The following RGS7 variants were observed in gnomAD, a reference collection of about 807,000 sequenced individuals.
RGS7 encodes regulator of G protein signaling 7, also known as regulator of G-protein signaling 7.
In RGS7, 27 loss-of-function variants were observed where a neutral mutation model predicts 81.1. The observed-to-expected ratio is 0.33, with a 90% CI of 0.25 to 0.46. RGS7 has a LOEUF of 0.46. RGS7 is among the 20% of genes least tolerant of loss of function. The pLI is 1.00. For synonymous variants in RGS7, 208 were observed against 207.7 expected (o/e 1.00, Z -0.01); for missense variants, 396 against 607.4 (o/e 0.65, Z 3.66).
intron 9 of RGS7, among the ~76,000 whole-genome samples, chr1:240,843,714 A>C (rs1294149192): frequency 1.3e-5 from 2 of 152,206 alleles, no homozygotes; most frequent in Non-Finnish European, 2.9e-5. Context: ...TATTTGAGAG[A>C]GGATTTGCTA....
chr1:240,838,520 A>C (rs1695067155), intron 9 of RGS7, among the ~76,000 whole-genome samples: 1 of 152,234 alleles, frequency 6.6e-6, no homozygotes, highest in Non-Finnish European at 1.5e-5. Flanking sequence ...ACTCTGTTGC[A>C]TTCAACTTGA....
chr1:240,903,897 A>G (rs1295162230), intron 6 of RGS7, among the ~76,000 whole-genome samples: 1 of 152,184 alleles, frequency 6.6e-6, no homozygotes, highest in Non-Finnish European at 1.5e-5. Flanking sequence ...TTCTCCCATG[A>G]GAGGAAGCAG....
chr1:241,016,158 A>G (rs574839817), intron 3 of RGS7, among the ~76,000 whole-genome samples: 1 of 152,322 alleles, frequency 6.6e-6, no homozygotes, highest in African/African-American at 2.4e-5. Context: ...CATGGATGTG[A>G]AAAATTATGA....
At chr1:241,031,046 G>A (rs979271734) in intron 3 of RGS7, among the ~76,000 whole-genome samples, 11 of 152,112 alleles carry the variant, frequency 7.2e-5, no homozygotes, top group Admixed American at 3.9e-4. Context: ...GTGAAGCCCC[G>A]GCTTTTAGTA....
intron 2 of RGS7, among the ~76,000 whole-genome samples, chr1:241,133,436 A>G (rs1179252721): frequency 6.6e-6 from 1 of 152,010 alleles, no homozygotes; most frequent in African/African-American, 2.4e-5. Flanking sequence ...GTTAGTAGTG[A>G]TATTCTAATT....
intron 2 of RGS7, among the ~76,000 whole-genome samples, chr1:241,229,648 AG>A (rs2075535888): frequency 6.6e-6 from 1 of 152,234 alleles, no homozygotes; most frequent in Non-Finnish European, 1.5e-5. Context: ...CTAACGGTGT[AG>A]TAGTCCACTT....
chr1:241,214,677 A>G (rs1326767337), intron 2 of RGS7, among the ~76,000 whole-genome samples: 2 of 152,152 alleles, frequency 1.3e-5, no homozygotes, highest in Admixed American at 1.3e-4. Context: ...ATCATTGAGA[A>G]TGTGTTCATT....
At chr1:240,990,247 C>CT (rs1391821990) in intron 3 of RGS7, among the ~76,000 whole-genome samples, 2 of 151,976 alleles carry the variant, frequency 1.3e-5, no homozygotes, top group Admixed American at 6.6e-5. Flanking sequence ...TGGGTGTAAA[C>CT]TACAGCTTCC....
intron 10 of RGS7, chr1:240,823,163 A>T: frequency 8.7e-7 from 1 of 1,149,322 alleles, no homozygotes; most frequent in Non-Finnish European, 1.3e-6. Context: ...ATTTCCCCAT[A>T]GAAGTCCTCT....
At chr1:241,300,372 C>A (rs1336751318) in intron 2 of RGS7, among the ~76,000 whole-genome samples, 2 of 152,174 alleles carry the variant, frequency 1.3e-5, no homozygotes, top group Non-Finnish European at 2.9e-5. Context: ...CATATATCCA[C>A]CATTAGGGTA....
rs372795289 is a variant in RGS7, at chr1:241,230,700, G to A, written c.78+124999C>T. 1.3e-3 allele frequency among the ~76,000 whole-genome samples: 195 copies of A among 146,588 alleles called. 2 individuals carry two copies. Among genetic ancestry groups the A allele is most frequent in the Non-Finnish European group, 1.4e-3 (88 of 65,062 alleles). On this transcript the variant is annotated intron_variant, in intron 2 of 18. Coordinates refer to ENST00000440928, the MANE Select transcript of RGS7 (RefSeq NM_001364886.1). ...AATGACGCAGGGAAAGAGAGGACAG[G>A]AAGAAGGCTGGGACCAGGCCCCCTT...
Position 241,172,544 on chromosome 1 carries a change from G to A in RGS7, c.79-73782C>T, listed in dbSNP as rs143904608. On this transcript the variant is annotated intron_variant, in intron 2 of 18. Coordinates refer to ENST00000440928, the MANE Select transcript of RGS7 (RefSeq NM_001364886.1). ...ACCAAGATACCATTCATAGTTTAAG[G>A]CTAGGGGGATAGCAAATTGGCCTCA... Among the ~76,000 whole-genome samples the A allele has an allele frequency of 5.1e-4, 77 of 152,122 alleles. 1 individual carries two copies. In the East Asian group the frequency reaches 0.013, roughly 25 times the overall value.
At chr1:240,897,868 T>C (rs190392100) in intron 6 of RGS7, among the ~76,000 whole-genome samples, 1 of 152,226 alleles carries the variant, frequency 6.6e-6, no homozygotes, top group Non-Finnish European at 1.5e-5. Context: ...TACCAGCTCC[T>C]CTTTTTACCT....
At chr1:240,852,764 A>G (rs1472381665) in intron 9 of RGS7, among the ~76,000 whole-genome samples, 1 of 152,176 alleles carries the variant, frequency 6.6e-6, no homozygotes, top group East Asian at 1.9e-4. Context: ...AGAGCCAAAC[A>G]AGACAAAAAG....
Position 241,340,546 on chromosome 1 carries a change from G to A in RGS7, c.78+15153C>T, listed in dbSNP as rs114385996. 5.2e-3 allele frequency among the ~76,000 whole-genome samples: 797 copies of A among 152,194 alleles called. 4 individuals carry two copies. The highest frequency in any genetic ancestry group is 0.018 in the African/African-American group (729 of 41,524). On this transcript the variant is annotated intron_variant, in intron 2 of 18. Transcript: ENST00000440928. ...AACTCCAAAAACAGTTATTTCATAG[G>A]TCTAAAACAACTAAAACTGAATTTA...
intron 3 of RGS7, among the ~76,000 whole-genome samples, chr1:241,030,916 G>A (rs1027889827): frequency 3.9e-5 from 6 of 152,244 alleles, no homozygotes; most frequent in African/African-American, 1.2e-4. Flanking sequence ...AGGAGCATAG[G>A]GAGTGCCCTG....
intron 2 of RGS7, among the ~76,000 whole-genome samples, chr1:241,142,517 G>A (rs1335808550): frequency 6.6e-6 from 1 of 152,200 alleles, no homozygotes; most frequent in Admixed American, 6.5e-5. Flanking sequence ...GCTGCCAAAG[G>A]TTGAGGCTTT....
intron 3 of RGS7, among the ~76,000 whole-genome samples, chr1:240,988,075 G>C (rs1685939959): frequency 6.6e-6 from 1 of 151,862 alleles, no homozygotes; most frequent in Non-Finnish European, 1.5e-5. Flanking sequence ...GAGAAGAAAC[G>C]ACATCATACT....
chr1:241,244,795 T>C (rs1451895609), intron 2 of RGS7, among the ~76,000 whole-genome samples: 1 of 152,052 alleles, frequency 6.6e-6, no homozygotes, highest in East Asian at 1.9e-4. Context: ...GATGAGTTCA[T>C]GTCCTTTGTA....
Sources: allele counts gnomAD v4.1 joint callset (sites outside exome capture counted in the v4.1 genomes callset), GRCh38; gene constraint gnomAD v4.1.1; transcripts MANE v1.5; gene names NCBI Gene and HGNC (gene_info 2026-07-23, HGNC 2026-07-21).